The following CCDC102B variants were observed in gnomAD, a reference collection of about 807,000 sequenced individuals.
CCDC102B encodes the protein coiled-coil domain-containing protein 102B.
CCDC102B carries 75 observed loss-of-function variants against 57.4 expected under a neutral mutation model. The observed-to-expected ratio is 1.31, with a 90% CI of 1.08 to 1.58. The LOEUF (loss-of-function observed/expected upper bound fraction) is 1.58. CCDC102B is among the 40% of genes most tolerant of loss of function. The probability of loss-of-function intolerance (pLI) is 0.00; values close to 1 mark genes in which losing one functional copy is unlikely to be tolerated. For synonymous variants in CCDC102B, 206 were observed against 201.9 expected (o/e 1.02, Z -0.17); for missense variants, 636 against 582.6 (o/e 1.09, Z -0.94).
chr18:68,987,776 C>CAA (rs146775836), intron 6 of CCDC102B, among the ~76,000 whole-genome samples: 1 of 150,836 alleles, frequency 6.6e-6, no homozygotes, highest in African/African-American at 2.4e-5. Flanking sequence ...AACAAATGGC[C>CAA]AAAAAAAACC....
At chr18:68,896,331 A>G (rs911686992) in intron 5 of CCDC102B, among the ~76,000 whole-genome samples, 1 of 152,070 alleles carries the variant, frequency 6.6e-6, no homozygotes, top group Non-Finnish European at 1.5e-5. Context: ...CAAAGGAGAT[A>G]TTAAAATTAT....
intron 6 of CCDC102B, among the ~76,000 whole-genome samples, chr18:68,946,524 A>G (rs2049543495): frequency 1.3e-5 from 2 of 152,074 alleles, no homozygotes; most frequent in South Asian, 4.1e-4. Flanking sequence ...TTATGTTTAT[A>G]TCATTCAAAA....
intron 1 of CCDC102B, among the ~76,000 whole-genome samples, chr18:68,833,740 AC>A (rs1237759412): frequency 6.6e-6 from 1 of 152,188 alleles, no homozygotes; most frequent in Non-Finnish European, 1.5e-5. Context: ...TTCTTTGGCA[AC>A]AAATAATATT....
intron 6 of CCDC102B, among the ~76,000 whole-genome samples, chr18:69,005,612 C>G (rs898527571): frequency 6.6e-6 from 1 of 151,800 alleles, no homozygotes; most frequent in Non-Finnish European, 1.5e-5. Flanking sequence ...CTTGCTATGA[C>G]TAAACTCAAT....
chr18:69,009,068 A>G (rs1473086943), intron 6 of CCDC102B, among the ~76,000 whole-genome samples: 1 of 152,190 alleles, frequency 6.6e-6, no homozygotes. Flanking sequence ...TGTGAAATAA[A>G]TTCCTGGAAA....
intron 7 of CCDC102B, among the ~76,000 whole-genome samples, chr18:69,038,872 A>G (rs1285411706): frequency 6.6e-6 from 1 of 152,052 alleles, no homozygotes; most frequent in East Asian, 1.9e-4. Context: ...ATTTCTTCAG[A>G]TATTTCATAA....
chr18:69,055,693 C>T (rs759403761), downstream of CCDC102B, among the ~76,000 whole-genome samples: 6 of 152,070 alleles, frequency 3.9e-5, no homozygotes, highest in Non-Finnish European at 7.4e-5. Flanking sequence ...ACTGGCAAGG[C>T]GTCTTCCTCT....
intron 6 of CCDC102B, among the ~76,000 whole-genome samples, chr18:68,935,589 T>A (rs1180794359): frequency 6.6e-6 from 1 of 151,990 alleles, no homozygotes; most frequent in African/African-American, 2.4e-5. Context: ...GGTTGGATAA[T>A]GTAAACTGGG....
chr18:68,998,705 C>A (rs1462470807), intron 6 of CCDC102B, among the ~76,000 whole-genome samples: 1 of 151,612 alleles, frequency 6.6e-6, no homozygotes, highest in Non-Finnish European at 1.5e-5. Context: ...GGGCAGGAAG[C>A]ATCCAGCATG....
chr18:68,966,132 C>T (rs1214201789), intron 6 of CCDC102B, among the ~76,000 whole-genome samples: 1 of 152,110 alleles, frequency 6.6e-6, no homozygotes, highest in Non-Finnish European at 1.5e-5. Flanking sequence ...ATATTCTGTT[C>T]TCATTTTTTT....
chr18:69,004,329 A>G (rs1431543979), intron 6 of CCDC102B, among the ~76,000 whole-genome samples: 2 of 152,104 alleles, frequency 1.3e-5, no homozygotes, highest in Non-Finnish European at 2.9e-5. Flanking sequence ...TGATCATGGG[A>G]CCTCAGCTGA....
Position 68,836,866 on chromosome 18 carries a change from C to T in CCDC102B, c.103C>T (p.Pro35Ser), listed in dbSNP as rs557397885. The T allele has an allele frequency of 2.5e-6, 4 of 1,610,826 alleles. No individual in the cohort carries two copies. The African/African-American group carries it at 4.0e-5, about 16-fold the overall frequency. The stretch of plus-strand genomic sequence containing the variant: ...CGGCGACATGGTGGCACCTGCCTCA[C>T]CCCCCAGGGATACCTGTAATACCTG... ...SRGDMVAPASPPRDTCNTCFP... is the reference protein window; with the variant it reads ...SRGDMVAPASSPRDTCNTCFP... Residue 35 changes from proline (P) to serine (S), a missense_variant, in exon 2 of 8, where the codon CCC (proline) becomes TCC (serine). Physicochemically the swap from Pro to Ser is moderately conservative, Grantham distance 74. Coordinates refer to ENST00000360242, the MANE Select transcript of CCDC102B (RefSeq NM_024781.3).
At position 68,968,717 on chromosome 18, in the gene CCDC102B, C is replaced by A. The variant is rs867167564; in HGVS notation, c.1264-42217C>A. Among the ~76,000 whole-genome samples, 4 of 152,154 alleles carry A rather than the reference C, an allele frequency of 2.6e-5. No homozygotes were observed. The South Asian group carries it at 6.2e-4, about 24-fold the overall frequency. ...CTCCCCATAATCCCTCCTCCAGCCC[C>A]TGGTAACCACAGTTCTGTTGTTTAC... On this transcript the variant is annotated intron_variant, in intron 6 of 7. Transcript: ENST00000360242.
chr18:68,883,811 G>A (rs2039778239), intron 5 of CCDC102B, among the ~76,000 whole-genome samples: 1 of 152,248 alleles, frequency 6.6e-6, no homozygotes, highest in South Asian at 2.1e-4. Flanking sequence ...CTTCTCAAAG[G>A]AAAATAGAGA....
At chr18:68,948,472 A>G (rs1004873648) in intron 6 of CCDC102B, among the ~76,000 whole-genome samples, 1 of 148,014 alleles carries the variant, frequency 6.8e-6, no homozygotes, top group Non-Finnish European at 1.5e-5. Context: ...CTTTTTTACA[A>G]TAAGCCAAAA....
At position 68,878,847 on chromosome 18, in the gene CCDC102B, C is replaced by G. The variant is rs185038104; in HGVS notation, c.1053+4062C>G. On this transcript the variant is annotated intron_variant, in intron 5 of 7. Coordinates refer to ENST00000360242, the MANE Select transcript of CCDC102B (RefSeq NM_024781.3). ...ATCAAAAAAACTAGTGGCGGTGTGT[C>G]CGGAATTGGTGGGTTCTTGGTCTCA... Among the ~76,000 whole-genome samples, 18 of 152,256 alleles carry G rather than the reference C, an allele frequency of 1.2e-4. No individual in the cohort carries two copies. In the South Asian group the frequency reaches 1.9e-3, roughly 16 times the overall value.
chr18:68,897,478 G>A, intron 6 of CCDC102B, 50 bp downstream of exon 6: 4 of 1,568,196 alleles, frequency 2.6e-6, no homozygotes, highest in Non-Finnish European at 3.5e-6. Context: ...TCACTCTGAT[G>A]CCTACGCAGA....
intron 7 of CCDC102B, among the ~76,000 whole-genome samples, chr18:69,037,815 G>A (rs2052334590): frequency 6.6e-6 from 1 of 151,976 alleles, no homozygotes; most frequent in African/African-American, 2.4e-5. Flanking sequence ...TCTGAGTACG[G>A]AGTCTAATTT....
intron 7 of CCDC102B, among the ~76,000 whole-genome samples, chr18:69,051,031 C>T (rs1424715889): frequency 6.6e-6 from 1 of 152,022 alleles, no homozygotes; most frequent in Admixed American, 6.6e-5. Flanking sequence ...ACTACAGGCA[C>T]GTGCCACCAG....
Sources: gnomAD v4.1 joint callset for allele counts (sites outside exome capture counted in the v4.1 genomes callset) on GRCh38, gnomAD v4.1.1 for gene constraint, MANE v1.5 for transcripts, NCBI Gene and HGNC (gene_info 2026-07-23, HGNC 2026-07-21) for gene names.